The following NAF1 variants were observed in gnomAD, a reference collection of about 807,000 sequenced individuals.
The protein encoded by NAF1 is nuclear assembly factor 1 ribonucleoprotein.
In NAF1, 11 loss-of-function variants were observed where a neutral mutation model predicts 40.6. That is an observed-to-expected ratio of 0.27 (90% CI 0.17 to 0.45). The LOEUF is 0.45. NAF1 is among the 20% of genes least tolerant of loss of function. The pLI, the probability that NAF1 is intolerant of heterozygous loss-of-function variation, is 1.00. For missense variants in NAF1, 607 were observed against 611.1 expected (o/e 0.99, Z 0.07); for synonymous variants, 260 against 228.5 (o/e 1.14, Z -1.24).
chr4:163,152,388 A>G (rs920398275), intron 2 of NAF1, among the ~76,000 whole-genome samples: 3 of 152,234 alleles, frequency 2.0e-5, no homozygotes, highest in Non-Finnish European at 4.4e-5. Flanking sequence ...ACTAGGAGAC[A>G]TCCAGTATGA....
At chr4:163,119,288 A>G (rs752420204) in intron 2 of NAF1, 12 of 152,230 alleles carry the variant, frequency 7.9e-5, no homozygotes, top group Non-Finnish European at 1.5e-4. Flanking sequence ...AAATAGGGAC[A>G]GACCATTAAA....
At chr4:163,110,787 G>A (rs1416012108) in intron 2 of NAF1, among the ~76,000 whole-genome samples, 1 of 151,966 alleles carries the variant, frequency 6.6e-6, no homozygotes, top group Admixed American at 6.6e-5. Context: ...CAAAATTGAT[G>A]AGCTCTAGCA....
downstream of NAF1, among the ~76,000 whole-genome samples, chr4:163,124,064 T>C (rs1244145331): frequency 3.9e-5 from 6 of 152,276 alleles, no homozygotes; most frequent in African/African-American, 9.6e-5. Flanking sequence ...ATAAAAACAA[T>C]AGAAATTTAT....
At chr4:163,110,083 T>C (rs1380363190) in exon 3 of NAF1, 2 of 473,250 alleles carry the variant, frequency 4.2e-6, no homozygotes, top group Non-Finnish European at 7.5e-6. Flanking sequence ...AGCTTTTCAT[T>C]ATTTATTTAG....
At chr4:163,160,239 T>C (rs1732162709) in intron 2 of NAF1, among the ~76,000 whole-genome samples, 1 of 152,166 alleles carries the variant, frequency 6.6e-6, no homozygotes, top group African/African-American at 2.4e-5. Flanking sequence ...GTTAAACTTA[T>C]TAATTGTGAC....
chr4:163,151,237 T>C (rs192043601), intron 2 of NAF1, among the ~76,000 whole-genome samples: 17 of 152,184 alleles, frequency 1.1e-4, no homozygotes, highest in Admixed American at 4.6e-4. Context: ...AGTTAACCTT[T>C]AGCATTTTAA....
chr4:163,110,852 CT>C (rs1277309933), intron 2 of NAF1, among the ~76,000 whole-genome samples: 1 of 152,044 alleles, frequency 6.6e-6, no homozygotes, highest in Non-Finnish European at 1.5e-5. Context: ...ACTGTAATCT[CT>C]AGGGATTTAT....
intron 2 of NAF1, among the ~76,000 whole-genome samples, chr4:163,112,487 G>A (rs1730192821): frequency 6.6e-6 from 1 of 152,174 alleles, no homozygotes; most frequent in Non-Finnish European, 1.5e-5. Flanking sequence ...TCAAACTGCA[G>A]TACATGCTTG....
At chr4:163,129,575 T>C (rs1479938671) in intron 7 of NAF1, among the ~76,000 whole-genome samples, 1 of 152,132 alleles carries the variant, frequency 6.6e-6, no homozygotes, top group Non-Finnish European at 1.5e-5. Context: ...ACCATTCTAC[T>C]CTAGCCAAAC....
chr4:163,113,362 G>A (rs1226585794), intron 2 of NAF1, among the ~76,000 whole-genome samples: 9 of 150,164 alleles, frequency 6.0e-5, no homozygotes, highest in Admixed American at 6.0e-4. Flanking sequence ...AACATCTATG[G>A]TAATCCCTTG....
downstream of NAF1, among the ~76,000 whole-genome samples, chr4:163,123,855 G>A (rs1236010964): frequency 2.0e-5 from 3 of 152,198 alleles, no homozygotes; most frequent in Admixed American, 6.5e-5. Context: ...CATAGAAAGT[G>A]AGAAACTGTG....
intron 2 of NAF1, chr4:163,156,951 C>G (rs914808095): frequency 6.6e-6 from 1 of 151,920 alleles, no homozygotes; most frequent in Non-Finnish European, 1.5e-5. Flanking sequence ...CAAAGAACAG[C>G]AAAAAGTTTT....
intron 2 of NAF1, among the ~76,000 whole-genome samples, chr4:163,150,048 A>G (rs1273839617): frequency 1.3e-5 from 2 of 152,138 alleles, no homozygotes; most frequent in Non-Finnish European, 2.9e-5. Context: ...ATAAGATCTA[A>G]AACAAAAATT....
chr4:163,127,648 A>G, downstream of NAF1, among the ~76,000 whole-genome samples: 1 of 152,304 alleles, frequency 6.6e-6, no homozygotes, highest in South Asian at 2.1e-4. Context: ...AATATTTTTA[A>G]AAATAATGAA....
intron 2 of NAF1, among the ~76,000 whole-genome samples, chr4:163,110,785 A>C (rs2110792149): frequency 6.6e-6 from 1 of 152,288 alleles, no homozygotes; most frequent in African/African-American, 2.4e-5. Flanking sequence ...CTCAAAATTG[A>C]TGAGCTCTAG....
chr4:163,164,089 A>G, intron 2 of NAF1, 128 bp downstream of exon 2: 1 of 1,191,564 alleles, frequency 8.4e-7, no homozygotes, highest in Non-Finnish European at 1.1e-6. Flanking sequence ...GGCATACCAA[A>G]AGCATGCCTA....
intron 4 of NAF1, among the ~76,000 whole-genome samples, chr4:163,142,605 A>G (rs1464683313): frequency 6.6e-6 from 1 of 152,240 alleles, no homozygotes; most frequent in East Asian, 1.9e-4. Context: ...TGAAATCATT[A>G]TAAAGTTTTA....
chr4:163,113,664 T>C (rs1401304142), intron 2 of NAF1, among the ~76,000 whole-genome samples: 1 of 152,202 alleles, frequency 6.6e-6, no homozygotes, highest in Non-Finnish European at 1.5e-5. Flanking sequence ...ACCCAGGTTG[T>C]GGATTAGGAT....
intron 2 of NAF1, among the ~76,000 whole-genome samples, chr4:163,159,703 G>A (rs774400378): frequency 3.3e-5 from 5 of 151,984 alleles, no homozygotes; most frequent in African/African-American, 4.8e-5. Context: ...ACTACCAAAC[G>A]TACTTATTTT....
Sources: allele counts gnomAD v4.1 joint callset (sites outside exome capture counted in the v4.1 genomes callset), GRCh38; gene constraint gnomAD v4.1.1; transcripts MANE v1.5; gene names NCBI Gene and HGNC (gene_info 2026-07-23, HGNC 2026-07-21).